Variants in PDE1A observed in about 807,000 individuals in gnomAD.
PDE1A encodes phosphodiesterase 1A.
Under a neutral mutation model 61.7 loss-of-function variants are expected in PDE1A, and 35 were observed. The ratio of observed to expected loss-of-function variants is 0.57; its 90% CI spans 0.43 to 0.75. The LOEUF is 0.75. Ranked by LOEUF, PDE1A falls within the 30% of genes least tolerant of loss-of-function variation. The pLI is 0.00. For synonymous variants in PDE1A, 232 were observed against 213.2 expected (o/e 1.09, Z -0.77); for missense variants, 597 against 630.6 (o/e 0.95, Z 0.57).
chr2:182,646,454 C>T, the PDE1A span, among the ~76,000 whole-genome samples: 13 of 149,138 alleles, frequency 8.7e-5, no homozygotes, highest in East Asian at 2.4e-3. Flanking sequence ...CTTTGGGAGG[C>T]CACGGCGGGC....
At chr2:182,580,670 T>G in the PDE1A span, among the ~76,000 whole-genome samples, 1 of 152,318 alleles carries the variant, frequency 6.6e-6, no homozygotes, top group Admixed American at 6.5e-5. Context: ...CCATTTTCAA[T>G]GTACTTAGTG....
At chr2:182,580,736 C>T in the PDE1A span, among the ~76,000 whole-genome samples, 1 of 152,044 alleles carries the variant, frequency 6.6e-6, no homozygotes, top group Admixed American at 6.6e-5. Flanking sequence ...TTACTAAGAG[C>T]CAAGGGATAT....
chr2:182,688,934 C>A, the PDE1A span, among the ~76,000 whole-genome samples: 3 of 152,040 alleles, frequency 2.0e-5, no homozygotes, highest in Non-Finnish European at 4.4e-5. Context: ...ACAAAGAAGG[C>A]CATTACATAA....
chr2:182,712,255 G>C, the PDE1A span, among the ~76,000 whole-genome samples: 1 of 152,224 alleles, frequency 6.6e-6, no homozygotes, highest in Admixed American at 6.5e-5. Context: ...GAAATATCAG[G>C]ACACTAAATT....
intron 7 of PDE1A, among the ~76,000 whole-genome samples, chr2:182,219,287 T>A (rs1432872586): frequency 6.6e-6 from 1 of 152,040 alleles, no homozygotes; most frequent in Non-Finnish European, 1.5e-5. Context: ...TATTTTAATA[T>A]AATTTTATTA....
intron 2 of PDE1A, chr2:182,522,141 A>G: frequency 1.5e-6 from 1 of 671,158 alleles, no homozygotes; most frequent in Admixed American, 2.6e-5. Flanking sequence ...TTGTTAGCTG[A>G]GGTAGGCACA....
At chr2:182,678,367 G>A in the PDE1A span, among the ~76,000 whole-genome samples, 4 of 152,182 alleles carry the variant, frequency 2.6e-5, no homozygotes, top group Admixed American at 2.6e-4. Context: ...AGGTTGCAGT[G>A]AGCCGATATC....
At chr2:182,155,175 C>T (rs1164196202) in intron 13 of PDE1A, among the ~76,000 whole-genome samples, 4 of 151,496 alleles carry the variant, frequency 2.6e-5, no homozygotes, top group Non-Finnish European at 5.9e-5. Context: ...CAGCCTCCAC[C>T]TCCTGGGCTC....
intron 13 of PDE1A, among the ~76,000 whole-genome samples, chr2:182,172,025 C>G (rs1373348316): frequency 1.3e-5 from 2 of 151,930 alleles, no homozygotes; most frequent in African/African-American, 4.8e-5. Flanking sequence ...TTTGAGGTAT[C>G]AGAAAGCATA....
At chr2:182,466,917 G>T (rs1421777934) in intron 2 of PDE1A, among the ~76,000 whole-genome samples, 1 of 151,986 alleles carries the variant, frequency 6.6e-6, no homozygotes, top group Non-Finnish European at 1.5e-5. Context: ...CTGAATAGAA[G>T]CCTAGAGAAA....
chr2:182,174,678 T>C (rs1332032144), intron 13 of PDE1A, among the ~76,000 whole-genome samples: 4 of 152,098 alleles, frequency 2.6e-5, no homozygotes, highest in African/African-American at 7.2e-5. Flanking sequence ...AATTAACACC[T>C]TAAGATTGTC....
chr2:182,485,037 A>G (rs1343444854), intron 2 of PDE1A, among the ~76,000 whole-genome samples: 1 of 152,130 alleles, frequency 6.6e-6, no homozygotes, highest in African/African-American at 2.4e-5. Flanking sequence ...AGGAATATAA[A>G]TCATTCTACT....
chr2:182,203,599 C>G (rs1315883027), intron 8 of PDE1A, among the ~76,000 whole-genome samples: 1 of 152,096 alleles, frequency 6.6e-6, no homozygotes, highest in African/African-American at 2.4e-5. Context: ...TCAATAGAAT[C>G]TAATAAGTAT....
downstream of PDE1A, among the ~76,000 whole-genome samples, chr2:182,163,111 C>G (rs1395866823): frequency 2.0e-5 from 3 of 152,156 alleles, no homozygotes; most frequent in Non-Finnish European, 2.9e-5. Context: ...TTGGCTTGTA[C>G]AGAAGACAGA....
intron 2 of PDE1A, among the ~76,000 whole-genome samples, chr2:182,496,842 C>T (rs1688745572): frequency 1.3e-5 from 2 of 152,318 alleles, no homozygotes; most frequent in South Asian, 4.1e-4. Flanking sequence ...CCAGTAGTGG[C>T]CCTGACTTCC....
chr2:182,479,358 A>G (rs764040232), intron 2 of PDE1A, among the ~76,000 whole-genome samples: 1 of 152,010 alleles, frequency 6.6e-6, no homozygotes, highest in Non-Finnish European at 1.5e-5. Flanking sequence ...GTTGGCAATC[A>G]TAACAATTCT....
rs1437137587 is a variant in PDE1A, at chr2:182,259,946, T to G, written c.167+4355A>C. 2.0e-5 allele frequency among the ~76,000 whole-genome samples: 3 copies of G among 152,168 alleles called. No individual in the cohort carries two copies. The East Asian group carries it at 5.8e-4, about 29-fold the overall frequency. ...AAAAACAATAGCCTCTAGAGACAGTTCTGAACACAAGACTCATAAAGGATT... is the reference window on the plus strand; with the variant it reads ...AAAAACAATAGCCTCTAGAGACAGTGCTGAACACAAGACTCATAAAGGATT... On this transcript the variant is annotated intron_variant, in intron 2 of 13. Transcript: ENST00000351439.
the PDE1A span, among the ~76,000 whole-genome samples, chr2:182,562,342 T>C: frequency 3.0e-3 from 442 of 149,460 alleles, 1 homozygote; most frequent in Non-Finnish European, 5.3e-3. Flanking sequence ...GTTCTGTTTA[T>C]ATGCTGGATT....
intron 1 of PDE1A, among the ~76,000 whole-genome samples, chr2:182,336,290 A>G (rs1167139579): frequency 6.6e-6 from 1 of 152,186 alleles, no homozygotes; most frequent in Non-Finnish European, 1.5e-5. Context: ...GAGATTATAA[A>G]TCATTCTACT....
Sources: allele counts gnomAD v4.1 joint callset (sites outside exome capture counted in the v4.1 genomes callset), GRCh38; gene constraint gnomAD v4.1.1; transcripts MANE v1.5; gene names NCBI Gene and HGNC (gene_info 2026-07-23, HGNC 2026-07-21).